TAFA1: variants seen among roughly 807,000 people sequenced by gnomAD.
TAFA1 encodes TAFA chemokine like family member 1, also known as chemokine-like protein TAFA-1.
Under a neutral mutation model 18.5 loss-of-function variants are expected in TAFA1, and 4 were observed. The observed-to-expected ratio is 0.22, with a 90% CI of 0.11 to 0.49. TAFA1 has a LOEUF of 0.49. TAFA1 is among the 20% of genes least tolerant of loss of function. The probability of loss-of-function intolerance (pLI) is 0.98; values close to 1 mark genes in which losing one functional copy is unlikely to be tolerated. For synonymous variants in TAFA1, 56 were observed against 55.2 expected (o/e 1.01, Z -0.06); for missense variants, 147 against 169.0 (o/e 0.87, Z 0.72).
intron 2 of TAFA1, among the ~76,000 whole-genome samples, chr3:68,412,965 A>G (rs1276661159): frequency 2.0e-5 from 3 of 151,686 alleles, no homozygotes; most frequent in Non-Finnish European, 2.9e-5. Context: ...GACTTCCACA[A>G]TGGTTGAACT....
chr3:68,417,973 A>G (rs1438596029), intron 3 of TAFA1, among the ~76,000 whole-genome samples: 2 of 152,104 alleles, frequency 1.3e-5, no homozygotes, highest in African/African-American at 4.8e-5. Flanking sequence ...GCAAGGGGGA[A>G]GTCTGCCTCC....
In TAFA1 at chr3:68,148,088, T is replaced by C. The variant is rs80139557; in HGVS notation, c.118+141344T>C. ...AGTCTCAGTGCTAATTGGTTCTGTGTAGAAGAGGCAGGAGAAACTTTGTTA... is the reference window on the plus strand; with the variant it reads ...AGTCTCAGTGCTAATTGGTTCTGTGCAGAAGAGGCAGGAGAAACTTTGTTA... On this transcript the variant is annotated intron_variant, in intron 2 of 4. Coordinates refer to ENST00000478136, the MANE Select transcript of TAFA1 (RefSeq NM_213609.4). 5.1e-3 allele frequency among the ~76,000 whole-genome samples: 782 copies of C among 152,302 alleles called. 7 individuals are homozygous for C. Among genetic ancestry groups the C allele is most frequent in the African/African-American group, 0.018 (750 of 41,570 alleles).
intron 2 of TAFA1, among the ~76,000 whole-genome samples, chr3:68,256,524 T>C (rs940090111): frequency 2.2e-4 from 33 of 152,152 alleles, no homozygotes; most frequent in African/African-American, 7.7e-4. Flanking sequence ...ATCCAGGATG[T>C]TACTCTCAGG....
intron 2 of TAFA1, among the ~76,000 whole-genome samples, chr3:68,291,965 G>A (rs1214084668): frequency 1.3e-5 from 2 of 152,068 alleles, no homozygotes; most frequent in African/African-American, 4.8e-5. Flanking sequence ...GTGGCTTCCA[G>A]AATTGGAGAA....
At chr3:68,422,033 G>T (rs1025658009) in intron 3 of TAFA1, among the ~76,000 whole-genome samples, 1 of 151,942 alleles carries the variant, frequency 6.6e-6, no homozygotes, top group Non-Finnish European at 1.5e-5. Flanking sequence ...ATTGCCCAGG[G>T]ACTATTACTA....
intron 3 of TAFA1, among the ~76,000 whole-genome samples, chr3:68,529,943 C>G (rs1374924202): frequency 1.3e-5 from 2 of 152,122 alleles, no homozygotes; most frequent in Non-Finnish European, 2.9e-5. Flanking sequence ...CTTTTATTCC[C>G]CAACCTGAGC....
intron 2 of TAFA1, among the ~76,000 whole-genome samples, chr3:68,131,101 G>A (rs190887213): frequency 6.6e-4 from 100 of 152,238 alleles, no homozygotes; most frequent in African/African-American, 2.2e-3. Flanking sequence ...AAGCACATAA[G>A]GAATGAGTGA....
In TAFA1 at chr3:68,141,059, T is replaced by G. The variant is rs557355353; in HGVS notation, c.118+134315T>G. Among the ~76,000 whole-genome samples, 25 of 152,304 alleles carry G rather than the reference T, an allele frequency of 1.6e-4. No homozygotes were observed. In the East Asian group the frequency reaches 3.5e-3, roughly 21 times the overall value. ...ACAAATTTCTGCTTGCCTATGAGGTTGTCAGACTGAATTTATACTTAAAGT... is the reference window on the plus strand; with the variant it reads ...ACAAATTTCTGCTTGCCTATGAGGTGGTCAGACTGAATTTATACTTAAAGT... On this transcript the variant is annotated intron_variant, in intron 2 of 4. Coordinates refer to ENST00000478136, the MANE Select transcript of TAFA1 (RefSeq NM_213609.4).
intron 2 of TAFA1, among the ~76,000 whole-genome samples, chr3:68,224,886 G>A (rs1439991364): frequency 7.1e-6 from 1 of 140,008 alleles, no homozygotes; most frequent in African/African-American, 2.6e-5. Context: ...AAAACGTTTG[G>A]CTTGTGGCAC....
At chr3:68,201,483 G>A (rs1049466619) in intron 2 of TAFA1, among the ~76,000 whole-genome samples, 24 of 151,758 alleles carry the variant, frequency 1.6e-4, no homozygotes, top group African/African-American at 5.8e-4. Flanking sequence ...GGGTGTTGAA[G>A]TCTCCAACCA....
intron 2 of TAFA1, among the ~76,000 whole-genome samples, chr3:68,142,896 C>T (rs943174664): frequency 7.2e-6 from 1 of 138,894 alleles, no homozygotes; most frequent in African/African-American, 2.7e-5. Context: ...CACTTTGTGA[C>T]TCACGTGGGA....
At chr3:68,239,559 G>A (rs917837537) in intron 2 of TAFA1, among the ~76,000 whole-genome samples, 1 of 152,036 alleles carries the variant, frequency 6.6e-6, no homozygotes, top group Non-Finnish European at 1.5e-5. Context: ...AACAAAAACA[G>A]TCACCATGAT....
intron 2 of TAFA1, among the ~76,000 whole-genome samples, chr3:68,184,546 G>A (rs1256666152): frequency 6.6e-6 from 1 of 152,116 alleles, no homozygotes; most frequent in Non-Finnish European, 1.5e-5. Context: ...CCTGAAAACA[G>A]TCTGAAATGC....
chr3:68,403,874 T>C (rs1469764779), intron 2 of TAFA1, among the ~76,000 whole-genome samples: 1 of 152,206 alleles, frequency 6.6e-6, no homozygotes, highest in Non-Finnish European at 1.5e-5. Flanking sequence ...AGTCTGTTAA[T>C]ACCCAGTTGA....
At chr3:67,997,405 G>A in the TAFA1 span, among the ~76,000 whole-genome samples, 2 of 152,258 alleles carry the variant, frequency 1.3e-5, no homozygotes, top group South Asian at 4.1e-4. Context: ...CAAGCAGTTT[G>A]ACTCCAGAGT....
intron 2 of TAFA1, chr3:68,145,253 A>T: frequency 1.3e-6 from 1 of 788,246 alleles, no homozygotes; most frequent in Non-Finnish European, 2.3e-6. Flanking sequence ...AGTCTGGCAG[A>T]GAGATTTCCC....
At chr3:68,385,098 A>G (rs1396348703) in intron 2 of TAFA1, among the ~76,000 whole-genome samples, 4 of 151,936 alleles carry the variant, frequency 2.6e-5, no homozygotes, top group African/African-American at 7.3e-5. Flanking sequence ...CTTGGGTAAG[A>G]TGGTTGCCCT....
At chr3:68,178,737 A>T (rs2066157934) in intron 2 of TAFA1, among the ~76,000 whole-genome samples, 3 of 152,244 alleles carry the variant, frequency 2.0e-5, no homozygotes, top group Admixed American at 2.0e-4. Flanking sequence ...ATTAGCTGGG[A>T]AAAGGAGAAA....
chr3:68,070,298 C>T lies in TAFA1; in HGVS notation c.118+63554C>T, dbSNP rs372242204. Among the ~76,000 whole-genome samples, 4 of 152,204 alleles carry T rather than the reference C, an allele frequency of 2.6e-5. No individual in the cohort carries two copies. The East Asian group carries it at 5.8e-4, about 22-fold the overall frequency. ...CAACATCACATGGAAGCTGCTAAGA[C>T]TTGGGACTTGCACCCTCTGAAGCCA... On this transcript the variant is annotated intron_variant, in intron 2 of 4. Transcript: ENST00000478136.
Sources: gnomAD v4.1 joint callset for allele counts (sites outside exome capture counted in the v4.1 genomes callset) on GRCh38, gnomAD v4.1.1 for gene constraint, MANE v1.5 for transcripts, NCBI Gene and HGNC (gene_info 2026-07-23, HGNC 2026-07-21) for gene names.